CUX2: variants seen among roughly 807,000 people sequenced by gnomAD.
CUX2 encodes homeobox protein cut-like 2.
A neutral mutation model predicts 144.8 loss-of-function variants in CUX2; 40 were observed. The observed-to-expected ratio is 0.28, with a 90% CI of 0.21 to 0.36. CUX2 has a LOEUF of 0.36. Among genes scored for constraint, CUX2 ranks in the 10% least tolerant of loss-of-function variants. CUX2 has a pLI of 1.00. For synonymous variants in CUX2, 827 were observed against 875.6 expected (o/e 0.94, Z 0.98); for missense variants, 1,615 against 1,994.0 (o/e 0.81, Z 3.62).
intron 4 of CUX2, among the ~76,000 whole-genome samples, chr12:111,286,485 T>C (rs1183997811): frequency 4.6e-5 from 7 of 151,998 alleles, no homozygotes; most frequent in Admixed American, 2.0e-4. Context: ...CCTGTAATCC[T>C]AGCAAGCCTA....
In CUX2 at chr12:111,350,543, A is replaced by G. The variant is rs890097824; in HGVS notation, c.*2218A>G. On this transcript the variant is annotated 3_prime_UTR_variant, in exon 22 of 22. Transcript: ENST00000261726. ...CTGTAAACGAGTCGCTAAATACAGA[A>G]TTGTATAATAATTCTGGGTGTCTTG... 1 of 152,560 alleles carries G rather than the reference A, an allele frequency of 6.6e-6. No individual in the cohort carries two copies. Among genetic ancestry groups the G allele is most frequent in the Non-Finnish European group, 1.5e-5 (1 of 68,038 alleles). 9.5% of individuals were successfully genotyped at this position (152,560 alleles called of 1,614,324 possible).
In CUX2 at chr12:111,287,394, G is replaced by A. The variant is rs762884314; in HGVS notation, c.302-4024G>A. On this transcript the variant is annotated intron_variant, in intron 4 of 21. Transcript: ENST00000261726. The surrounding 1 kb of genome is among the most constrained non-coding windows in gnomAD (Gnocchi z 4.2). ...GTGTTTGTCTAACTTCCCTGACCCC[G>A]GCGAGTGCTCGTTGCCTTTTTTCCT... Among the ~76,000 whole-genome samples the A allele has an allele frequency of 6.6e-5, 10 of 152,240 alleles. 1 individual carries two copies. The highest frequency in any genetic ancestry group is 1.0e-4 in the Non-Finnish European group (7 of 68,044).
chr12:111,296,564 C>T lies in CUX2; in HGVS notation c.704+25C>T, dbSNP rs772463800. The T allele has an allele frequency of 3.8e-6, 6 of 1,599,846 alleles. No homozygotes were observed. In the South Asian group the frequency reaches 4.5e-5, roughly 12 times the overall value. ...AGTAAGTGAGCCCTGCTGAGGTGTA[C>T]CTCCTCCCTTGGAGGCCTCCCAGAC... On this transcript the variant is annotated intron_variant, in intron 8 of 21. Coordinates refer to ENST00000261726, the MANE Select transcript of CUX2 (RefSeq NM_015267.4).
At position 111,188,673 on chromosome 12, in the gene CUX2, C is replaced by T. The variant is rs1182372406; in HGVS notation, c.64-25527C>T. Among the ~76,000 whole-genome samples the T allele has an allele frequency of 2.6e-5, 4 of 152,064 alleles. No homozygotes were observed. The East Asian group carries it at 7.7e-4, about 29-fold the overall frequency. Reference sequence around the variant, plus strand: ...AAGGAGGGCAGAGAAGTGGGCGGGGCCAGGTCACACTCAGCTTGCTGGCCC... The same window carrying T: ...AAGGAGGGCAGAGAAGTGGGCGGGGTCAGGTCACACTCAGCTTGCTGGCCC... On this transcript the variant is annotated intron_variant, in intron 1 of 21. Coordinates refer to ENST00000261726, the MANE Select transcript of CUX2 (RefSeq NM_015267.4).
chr12:111,322,713 T>A lies in CUX2; in HGVS notation c.2926+133T>A. On this transcript the variant is annotated intron_variant, in intron 18 of 21. Transcript: ENST00000261726. The surrounding 1 kb of genome is among the most constrained non-coding windows in gnomAD (Gnocchi z 4.2). ...CTGCCCTGGCTTTCATCCCAGTCACTGTCATGGCTGCACTGGAACATGGCG... is the reference window on the plus strand; with the variant it reads ...CTGCCCTGGCTTTCATCCCAGTCACAGTCATGGCTGCACTGGAACATGGCG... 2.6e-6 allele frequency: 3 copies of A among 1,165,868 alleles called. No individual in the cohort carries two copies. The South Asian group carries it at 4.2e-5, about 16-fold the overall frequency. The allele number at this position is 1,165,868 out of a possible 1,614,324, so 72.2% of individuals were successfully genotyped here.
Position 111,320,206 on chromosome 12 carries a change from C to A in CUX2, c.2197C>A (p.Leu733Met). The change falls in exon 17 of 22, where the codon CTG becomes ATG. Residue 733 changes from leucine (L) to methionine (M), a missense_variant. By Grantham distance (15) the Leu-to-Met change is conservative (BLOSUM62 2). Transcript: ENST00000261726. This position sits in a 1 kb window ranked among gnomAD's most constrained non-coding sequence, Gnocchi z 8.1. Reference sequence around the variant, plus strand: ...CCCCTCGCCCCCGGAGCGGCCATCACTGGCCACCGCGAGCCAGAACGGGGC... The same window carrying A: ...CCCCTCGCCCCCGGAGCGGCCATCAATGGCCACCGCGAGCCAGAACGGGGC... ...VPPSPPERPS[L>M]ATASQNGAPA... The A allele has an allele frequency of 1.3e-6, 2 of 1,543,812 alleles. No individual in the cohort carries two copies. Among genetic ancestry groups the A allele is most frequent in the South Asian group, 1.2e-5 (1 of 84,562 alleles).
At chr12:111,138,995 A>G (rs537858004) in intron 1 of CUX2, among the ~76,000 whole-genome samples, 56 of 148,746 alleles carry the variant, frequency 3.8e-4, no homozygotes, top group African/African-American at 1.4e-3. Context: ...CCGTCCCCCA[A>G]TAAGTCACTA....
chr12:111,119,089 G>T (rs1349446886), intron 1 of CUX2, among the ~76,000 whole-genome samples: 1 of 152,214 alleles, frequency 6.6e-6, no homozygotes, highest in Admixed American at 6.5e-5. Flanking sequence ...AATCTGGAAG[G>T]AACAGCAGCA....
chr12:111,250,374 G>A (rs894395234), intron 3 of CUX2, among the ~76,000 whole-genome samples: 5 of 152,078 alleles, frequency 3.3e-5, no homozygotes, highest in Non-Finnish European at 7.4e-5. Flanking sequence ...CCTCGTGTGT[G>A]TATATTGGAG....
intron 4 of CUX2, among the ~76,000 whole-genome samples, chr12:111,264,285 C>T (rs541805455): frequency 2.0e-5 from 3 of 152,318 alleles, no homozygotes; most frequent in African/African-American, 7.2e-5. Context: ...CAGAAGAGCA[C>T]ATCCTGTAGG....
chr12:111,232,433 G>T (rs915410331), intron 3 of CUX2, among the ~76,000 whole-genome samples: 1 of 152,162 alleles, frequency 6.6e-6, no homozygotes, highest in Admixed American at 6.5e-5. Context: ...GAGCCCAGGA[G>T]TTTGAAGCTA....
At chr12:111,268,271 T>C (rs1403450335) in intron 4 of CUX2, among the ~76,000 whole-genome samples, 3 of 151,498 alleles carry the variant, frequency 2.0e-5, no homozygotes, top group African/African-American at 7.3e-5. Flanking sequence ...GTTTCCCAGG[T>C]TGAAGTACAG....
chr12:111,218,351 C>CA (rs894468150), intron 3 of CUX2, among the ~76,000 whole-genome samples: 2 of 151,806 alleles, frequency 1.3e-5, no homozygotes, highest in Admixed American at 1.3e-4. Flanking sequence ...CCCATCTCTA[C>CA]AAAAAAATTT....
At chr12:111,156,157 G>A (rs1002521632) in intron 1 of CUX2, among the ~76,000 whole-genome samples, 2 of 152,240 alleles carry the variant, frequency 1.3e-5, no homozygotes, top group East Asian at 1.9e-4. Flanking sequence ...GGGCAGAAAC[G>A]TAGGCTGTGA....
chr12:111,204,267 T>C (rs1880781801), intron 1 of CUX2, among the ~76,000 whole-genome samples: 1 of 152,242 alleles, frequency 6.6e-6, no homozygotes, highest in Admixed American at 6.5e-5. Context: ...AACCACTGCC[T>C]GGGCTTTCTG....
intron 1 of CUX2, among the ~76,000 whole-genome samples, chr12:111,158,243 A>G (rs145223427): frequency 6.6e-6 from 1 of 152,174 alleles, no homozygotes; most frequent in African/African-American, 2.4e-5. Context: ...GGGTGTGGAG[A>G]GCAAATAGCA....
At chr12:111,042,212 G>A (rs914146981) in intron 1 of CUX2, among the ~76,000 whole-genome samples, 8 of 152,206 alleles carry the variant, frequency 5.3e-5, no homozygotes, top group Admixed American at 2.0e-4. Flanking sequence ...AATGGCTCCC[G>A]GGGAACCATT....
intron 1 of CUX2, among the ~76,000 whole-genome samples, chr12:111,122,101 C>T (rs1380010748): frequency 1.3e-5 from 2 of 152,148 alleles, no homozygotes; most frequent in Non-Finnish European, 2.9e-5. Flanking sequence ...GATTATGGCC[C>T]GTCCACCTGG....
At chr12:111,145,962 C>T (rs1029806625) in intron 1 of CUX2, among the ~76,000 whole-genome samples, 1 of 152,164 alleles carries the variant, frequency 6.6e-6, no homozygotes, top group Non-Finnish European at 1.5e-5. Flanking sequence ...ACCTCGGCCT[C>T]CCAAAGTGCT....
Sources: gnomAD v4.1 joint callset for allele counts (sites outside exome capture counted in the v4.1 genomes callset) on GRCh38, gnomAD v4.1.1 for gene constraint, Gnocchi (gnomAD v3.1) non-coding constraint, MANE v1.5 for transcripts, NCBI Gene and HGNC (gene_info 2026-07-23, HGNC 2026-07-21) for gene names.